ATXN7: variants seen among roughly 807,000 people sequenced by gnomAD.
The protein encoded by ATXN7 is ataxin 7.
In ATXN7, 12 loss-of-function variants were observed where a neutral mutation model predicts 70.5. That is an observed-to-expected ratio of 0.17 (90% CI 0.11 to 0.28). ATXN7 has a LOEUF of 0.28. Among genes scored for constraint, ATXN7 ranks in the 10% least tolerant of loss-of-function variants. The pLI, the probability that ATXN7 is intolerant of heterozygous loss-of-function variation, is 1.00. For synonymous variants in ATXN7, 498 were observed against 448.7 expected (o/e 1.11, Z -1.39); for missense variants, 1,256 against 1,131.7 (o/e 1.11, Z -1.58).
chr3:63,885,100 A>G (rs2107231917), intron 1 of ATXN7, among the ~76,000 whole-genome samples: 1 of 152,310 alleles, frequency 6.6e-6, no homozygotes. Context: ...ACAGGTAACC[A>G]AAAAATAGAA....
chr3:63,969,928 G>A (rs2075284751), intron 5 of ATXN7, among the ~76,000 whole-genome samples: 2 of 152,276 alleles, frequency 1.3e-5, no homozygotes, highest in African/African-American at 2.4e-5. Context: ...GTGAATGATG[G>A]TGTAAGAGGG....
intron 4 of ATXN7, among the ~76,000 whole-genome samples, chr3:63,936,104 A>G (rs183274828): frequency 2.9e-4 from 44 of 152,300 alleles, no homozygotes; most frequent in African/African-American, 1.0e-3. Context: ...TCACTACCAT[A>G]TTTTCATGTA....
At chr3:63,929,522 C>T (rs908860687) in intron 4 of ATXN7, among the ~76,000 whole-genome samples, 2 of 152,168 alleles carry the variant, frequency 1.3e-5, no homozygotes, top group Admixed American at 6.5e-5. Context: ...GCGCCTGCCT[C>T]TGCTTCCCAA....
chr3:63,989,151 C>T (rs2075625855), intron 9 of ATXN7, among the ~76,000 whole-genome samples: 1 of 152,160 alleles, frequency 6.6e-6, no homozygotes, highest in East Asian at 1.9e-4. Context: ...AGAGCCTGTC[C>T]CAACGTGAGC....
chr3:63,969,552 C>T (rs1255270846), intron 5 of ATXN7, among the ~76,000 whole-genome samples: 1 of 152,170 alleles, frequency 6.6e-6, no homozygotes, highest in African/African-American at 2.4e-5. Context: ...CTTTTATTCT[C>T]TCTCTTTTTA....
intron 1 of ATXN7, among the ~76,000 whole-genome samples, chr3:63,869,168 T>G (rs901605249): frequency 2.6e-5 from 4 of 152,232 alleles, no homozygotes; most frequent in African/African-American, 7.2e-5. Context: ...GCCCTTGGGT[T>G]GGGAAATGGT....
chr3:63,989,850 C>CA (rs2075639831), intron 9 of ATXN7, among the ~76,000 whole-genome samples: 1 of 152,130 alleles, frequency 6.6e-6, no homozygotes, highest in Non-Finnish European at 1.5e-5. Flanking sequence ...GAAGAGGAAT[C>CA]AAAGAATTCT....
chr3:63,992,455 A>C (rs937390903), intron 11 of ATXN7, among the ~76,000 whole-genome samples: 6 of 152,154 alleles, frequency 3.9e-5, no homozygotes, highest in African/African-American at 1.4e-4. Context: ...CAGACTACCC[A>C]TTGGGAGTTG....
At chr3:63,995,280 G>A (rs2075738938) in intron 11 of ATXN7, among the ~76,000 whole-genome samples, 1 of 152,102 alleles carries the variant, frequency 6.6e-6, no homozygotes. Context: ...TAGAGGCTGG[G>A]GCAATAGCAG....
chr3:63,930,695 A>G (rs999802246), intron 4 of ATXN7, among the ~76,000 whole-genome samples: 1 of 151,704 alleles, frequency 6.6e-6, no homozygotes, highest in South Asian at 2.1e-4. Flanking sequence ...CGCCCGGCTA[A>G]TTTTTTTTGT....
chr3:63,920,262 G>A lies in ATXN7; in HGVS notation c.394+7037G>A, dbSNP rs186742366. ...CAAGCTGTGTCCAATTTACAGTTTT[G>A]ATTGGTTCTTGTAAACTCTAATCTC... On this transcript the variant is annotated intron_variant, in intron 4 of 12. Coordinates refer to ENST00000674280, the MANE Select transcript of ATXN7 (RefSeq NM_001377405.1). Among the ~76,000 whole-genome samples the A allele has an allele frequency of 4.0e-4, 61 of 152,234 alleles. No homozygotes were observed. The East Asian group carries it at 0.011, about 28-fold the overall frequency.
chr3:63,983,718 C>T (rs980092508), intron 8 of ATXN7, among the ~76,000 whole-genome samples: 24 of 152,006 alleles, frequency 1.6e-4, no homozygotes, highest in Admixed American at 8.5e-4. Flanking sequence ...TTTTAAAATG[C>T]CAGTATGCTA....
chr3:63,863,666 C>T (rs1702298419), upstream of ATXN7: 1 of 1,228,272 alleles, frequency 8.1e-7, no homozygotes, highest in Non-Finnish European at 1.0e-6. Context: ...GGCGAAGAGG[C>T]CGGGGAGGCC....
chr3:63,984,079 G>A lies in ATXN7; in HGVS notation c.1095+1058G>A, dbSNP rs142205354. 7.4e-3 allele frequency among the ~76,000 whole-genome samples: 1,121 copies of A among 151,990 alleles called. 18 individuals carry two copies. Among genetic ancestry groups the A allele is most frequent in the African/African-American group, 0.023 (969 of 41,468 alleles). On this transcript the variant is annotated intron_variant, in intron 8 of 12. Transcript: ENST00000674280. ...AGGCATGTTACAGTCTTCTGGAGTG[G>A]GAAATTTTTAAGTGGTTCTTACTTT...
chr3:63,871,169 T>G (rs1702581632), intron 1 of ATXN7, among the ~76,000 whole-genome samples: 1 of 152,200 alleles, frequency 6.6e-6, no homozygotes, highest in African/African-American at 2.4e-5. Context: ...CAAAACAACA[T>G]TGTGCTGAAA....
chr3:63,881,301 T>C (rs550468072), intron 1 of ATXN7, among the ~76,000 whole-genome samples: 5 of 152,302 alleles, frequency 3.3e-5, no homozygotes, highest in African/African-American at 9.6e-5. Flanking sequence ...GGAGTAGGTT[T>C]GGAATCTCCT....
chr3:63,903,542 A>T (rs1703727414), intron 2 of ATXN7, among the ~76,000 whole-genome samples: 1 of 152,214 alleles, frequency 6.6e-6, no homozygotes, highest in Admixed American at 6.5e-5. Context: ...AAAGTTGAAA[A>T]GTAACGGCCA....
chr3:63,954,058 AAATC>A (rs1308488945), intron 5 of ATXN7, among the ~76,000 whole-genome samples: 1 of 152,180 alleles, frequency 6.6e-6, no homozygotes, highest in Non-Finnish European at 1.5e-5. Context: ...AAGGAATAAT[AAATC>A]CTTTATTTAA....
At chr3:63,929,287 T>G (rs941603678) in intron 4 of ATXN7, among the ~76,000 whole-genome samples, 7 of 140,278 alleles carry the variant, frequency 5.0e-5, no homozygotes, top group Admixed American at 7.2e-5. Context: ...TTTTTTTTTT[T>G]GTTTGAGATG....
Sources: gnomAD v4.1 joint callset for allele counts (sites outside exome capture counted in the v4.1 genomes callset) on GRCh38, gnomAD v4.1.1 for gene constraint, MANE v1.5 for transcripts, NCBI Gene and HGNC (gene_info 2026-07-23, HGNC 2026-07-21) for gene names.